The following DSCAM variants were observed in gnomAD, a reference collection of about 807,000 sequenced individuals.
The protein encoded by DSCAM is DS cell adhesion molecule, also known as cell adhesion molecule DSCAM.
DSCAM carries 47 observed loss-of-function variants against 217.7 expected under a neutral mutation model. The ratio of observed to expected loss-of-function variants is 0.22; its 90% CI spans 0.17 to 0.28. DSCAM has a LOEUF of 0.28. DSCAM is among the 10% of genes least tolerant of loss of function. The pLI is 1.00. For synonymous variants in DSCAM, 1,056 were observed against 1,015.3 expected (o/e 1.04, Z -0.76); for missense variants, 2,080 against 2,618.3 (o/e 0.79, Z 4.49).
At chr21:40,369,006 T>A in intron 4 of DSCAM, 93 bp downstream of exon 4, 2 of 1,370,212 alleles carry the variant, frequency 1.5e-6, no homozygotes, top group Non-Finnish European at 9.6e-7. Flanking sequence ...GGCTCCATTT[T>A]AGTGGCAACA....
At chr21:40,250,479 A>T (rs78993570) in intron 11 of DSCAM, among the ~76,000 whole-genome samples, 4,689 of 152,294 alleles carry the variant, frequency 0.031, 222 homozygotes, top group African/African-American at 0.11. Flanking sequence ...ATAATTTTTT[A>T]AAAAATTCCA....
chr21:40,487,326 TGAGAGA>T (rs10598197), intron 3 of DSCAM, among the ~76,000 whole-genome samples: 157 of 72,834 alleles, frequency 2.2e-3, no homozygotes, highest in African/African-American at 5.6e-3. Context: ...TGTGTGTGTG[TGAGAGA>T]GAGAGAGAGA....
intron 3 of DSCAM, among the ~76,000 whole-genome samples, chr21:40,665,478 G>T (rs761845432): frequency 1.3e-5 from 2 of 152,104 alleles, no homozygotes; most frequent in African/African-American, 4.8e-5. Context: ...TGTCCTCTCC[G>T]CACTTTCATT....
intron 11 of DSCAM, among the ~76,000 whole-genome samples, chr21:40,245,103 T>C (rs1239207208): frequency 6.6e-6 from 1 of 152,162 alleles, no homozygotes; most frequent in Non-Finnish European, 1.5e-5. Context: ...ACAGAATAGC[T>C]GTGAGAGAAA....
At chr21:40,481,783 T>TTA (rs2075985113) in intron 3 of DSCAM, among the ~76,000 whole-genome samples, 1 of 152,160 alleles carries the variant, frequency 6.6e-6, no homozygotes, top group African/African-American at 2.4e-5. Context: ...CACTGCCTAG[T>TTA]TACTTCCTGA....
intron 32 of DSCAM, among the ~76,000 whole-genome samples, chr21:40,017,103 CAAAA>C (rs372118440): frequency 1.0e-4 from 9 of 86,218 alleles, no homozygotes; most frequent in Admixed American, 1.4e-4. Flanking sequence ...AACTCCATCT[CAAAA>C]AAAAAAAAAA....
chr21:40,347,601 C>T lies in DSCAM; in HGVS notation c.1210+69G>A, dbSNP rs1013514066. The T allele has an allele frequency of 3.1e-6, 5 of 1,595,674 alleles. No individual in the cohort carries two copies. In the African/African-American group the frequency reaches 5.4e-5, roughly 17 times the overall value. ...AGCGATCAGCACTGCTTCACCCTGT[C>T]TTCTTCTTTTCTGAGTGCTCTGGGT... On this transcript the variant is annotated intron_variant, in intron 6 of 32. Coordinates refer to ENST00000400454, the MANE Select transcript of DSCAM (RefSeq NM_001389.5).
chr21:40,468,070 C>A (rs2075859569), intron 3 of DSCAM, among the ~76,000 whole-genome samples: 1 of 152,148 alleles, frequency 6.6e-6, no homozygotes, highest in African/African-American at 2.4e-5. Context: ...CTTATCTTCA[C>A]AGGTGCGGGA....
intron 3 of DSCAM, among the ~76,000 whole-genome samples, chr21:40,675,063 T>C (rs1433958567): frequency 2.6e-5 from 4 of 151,998 alleles, no homozygotes; most frequent in Admixed American, 6.6e-5. Flanking sequence ...ACGATGCATG[T>C]TCATTAAAAC....
intron 1 of DSCAM, among the ~76,000 whole-genome samples, chr21:40,730,486 C>T (rs1601183786): frequency 2.0e-5 from 3 of 152,206 alleles, no homozygotes; most frequent in Admixed American, 1.3e-4. Flanking sequence ...GAAGACCGTG[C>T]CAGTCACAGC....
intron 3 of DSCAM, among the ~76,000 whole-genome samples, chr21:40,485,397 C>T (rs1000693803): frequency 2.0e-5 from 3 of 151,906 alleles, no homozygotes; most frequent in Non-Finnish European, 4.4e-5. Flanking sequence ...CGCCCGCCAC[C>T]GCGCCCGGCT....
chr21:40,012,901 T>G lies in DSCAM; in HGVS notation c.*133A>C. 2 of 643,102 alleles carry G rather than the reference T, an allele frequency of 3.1e-6. No homozygotes were observed. The highest frequency in any genetic ancestry group is 4.4e-6 in the Non-Finnish European group (2 of 455,730). 39.8% of individuals were successfully genotyped at this position (643,102 alleles called of 1,614,324 possible). On this transcript the variant is annotated 3_prime_UTR_variant, in exon 33 of 33. Transcript: ENST00000400454. Reference sequence around the variant, plus strand: ...CTTTGCACTGTCTGTGGTTTCAGTATTTTCTCTTTTTTTTTTTTAATATAT... The same window carrying G: ...CTTTGCACTGTCTGTGGTTTCAGTAGTTTCTCTTTTTTTTTTTTAATATAT...
In DSCAM at chr21:40,183,095, C is replaced by CAGGA; in HGVS notation, c.2780-4002_2780-4001insTCCT. Among the ~76,000 whole-genome samples the CAGGA allele has an allele frequency of 3.3e-3, 13 of 3,914 alleles. 3 individuals carry two copies. Among genetic ancestry groups the CAGGA allele is most frequent in the African/African-American group, 0.016 (12 of 760 alleles). The allele number at this position is 3,914 out of a possible 152,430, so 2.6% of individuals were successfully genotyped here. ...AGGGGGCTACCAGAGAAACCGTGGA[C>CAGGA]GGGGGGGGTTACCAGAGAAACCGTG... On this transcript the variant is annotated intron_variant, in intron 14 of 32. Transcript: ENST00000400454.
chr21:40,045,329 T>C (rs993218853), intron 30 of DSCAM, among the ~76,000 whole-genome samples: 10 of 152,256 alleles, frequency 6.6e-5, no homozygotes, highest in African/African-American at 2.4e-4. Flanking sequence ...TTGCCTATGA[T>C]AGCACATCTC....
chr21:40,377,365 C>T (rs961325837), intron 3 of DSCAM, among the ~76,000 whole-genome samples: 6 of 151,954 alleles, frequency 3.9e-5, no homozygotes, highest in Non-Finnish European at 7.4e-5. Context: ...AAGTGTGAGA[C>T]GGCAAGGCAT....
intron 3 of DSCAM, among the ~76,000 whole-genome samples, chr21:40,610,761 T>C (rs2089302894): frequency 6.6e-6 from 1 of 152,206 alleles, no homozygotes; most frequent in East Asian, 1.9e-4. Flanking sequence ...ATCCAAGGTC[T>C]TAAAAAGATG....
intron 27 of DSCAM, among the ~76,000 whole-genome samples, chr21:40,066,963 A>G (rs1484933076): frequency 6.6e-6 from 1 of 152,214 alleles, no homozygotes; most frequent in Non-Finnish European, 1.5e-5. Flanking sequence ...CAGGGTCTAG[A>G]TGCTCTTTGA....
chr21:40,545,548 A>G (rs1034537026), intron 3 of DSCAM, among the ~76,000 whole-genome samples: 4 of 152,184 alleles, frequency 2.6e-5, no homozygotes, highest in Non-Finnish European at 5.9e-5. Context: ...CAGACCACAG[A>G]GAAGTCACAC....
chr21:40,330,294 CATATATTT>C (rs1040254580), intron 8 of DSCAM, among the ~76,000 whole-genome samples: 7 of 144,222 alleles, frequency 4.9e-5, no homozygotes, highest in African/African-American at 1.5e-4. Context: ...ATATTATATG[CATATATTT>C]ATATATAATA....
Sources: allele counts gnomAD v4.1 joint callset (sites outside exome capture counted in the v4.1 genomes callset), GRCh38; gene constraint gnomAD v4.1.1; transcripts MANE v1.5; gene names NCBI Gene and HGNC (gene_info 2026-07-23, HGNC 2026-07-21).